The following SPOCK3 variants were observed in gnomAD, a reference collection of about 807,000 sequenced individuals.
SPOCK3 encodes SPARC (osteonectin), cwcv and kazal like domains proteoglycan 3.
Under a neutral mutation model 56.6 loss-of-function variants are expected in SPOCK3, and 30 were observed. The ratio of observed to expected loss-of-function variants is 0.53; its 90% confidence interval spans 0.40 to 0.72. The LOEUF is 0.72. Among genes scored for constraint, SPOCK3 ranks in the 30% least tolerant of loss-of-function variants. SPOCK3 has a pLI of 0.00. For synonymous variants in SPOCK3, 196 were observed against 183.3 expected, an observed-to-expected ratio of 1.07 and a Z score of -0.56; for missense variants, 527 against 530.0, an observed-to-expected ratio of 0.99 and a Z score of 0.06.
intron 4 of SPOCK3, among the ~76,000 whole-genome samples, chr4:166,949,447 T>C (rs1433856507): frequency 6.6e-6 from 1 of 152,190 alleles, no homozygotes; most frequent in East Asian, 1.9e-4. Flanking sequence ...TTTTCTGCTC[T>C]GTTTTTTCCC....
At position 166,965,240 on chromosome 4, in the gene SPOCK3, G is replaced by A. The variant is rs969487266; in HGVS notation, c.350+35109C>T. On this transcript the variant is annotated intron_variant, in intron 4 of 10. Coordinates refer to ENST00000357545, the MANE Select transcript of SPOCK3 (RefSeq NM_001040159.2). ...TAAAATGTTAAAACTGGGTAATAGT[G>A]CATTTCCATTTGCCAACACTCAGCC... is the stretch of plus-strand genomic sequence containing the variant. 3.3e-5 allele frequency among the ~76,000 whole-genome samples: 5 copies of A among 151,900 alleles called. 1 individual carries two copies. The highest frequency in any genetic ancestry group is 1.3e-4 in the Admixed American group (2 of 15,234).
At chr4:166,889,492 G>C (rs565586307) in intron 5 of SPOCK3, among the ~76,000 whole-genome samples, 3 of 152,018 alleles carry the variant, frequency 2.0e-5, no homozygotes, top group African/African-American at 7.2e-5. Context: ...AATATAATAG[G>C]TTTAAAAGTC....
rs531590299 is a variant in SPOCK3, at chr4:166,952,627, G to T, written c.351-39884C>A. Among the ~76,000 whole-genome samples the T allele has an allele frequency of 4.1e-3, 626 of 152,126 alleles. 3 individuals are homozygous for T. The highest frequency in any genetic ancestry group is 0.01 in the Middle Eastern group (3 of 294). ...CCAAAAAAGAGCCCGCATCGTCAAG[G>T]CAATCCTAAGTCAAAAGAACAAAGC... is the stretch of plus-strand genomic sequence containing the variant. On this transcript the variant is annotated intron_variant, in intron 4 of 10. Coordinates refer to ENST00000357545, the MANE Select transcript of SPOCK3 (RefSeq NM_001040159.2).
At chr4:166,938,469 TA>T (rs1031505616) in intron 4 of SPOCK3, among the ~76,000 whole-genome samples, 6 of 151,928 alleles carry the variant, frequency 3.9e-5, no homozygotes, top group African/African-American at 1.4e-4. Context: ...ATCAATCTGG[TA>T]AAAAAAATGT....
At chr4:167,057,787 C>A (rs1376716530) in intron 3 of SPOCK3, among the ~76,000 whole-genome samples, 1 of 152,154 alleles carries the variant, frequency 6.6e-6, no homozygotes, top group Non-Finnish European at 1.5e-5. Flanking sequence ...ATTCATAAAG[C>A]AAGTCCTGAG....
chr4:167,020,023 T>A (rs1751017001), intron 3 of SPOCK3, among the ~76,000 whole-genome samples: 1 of 152,100 alleles, frequency 6.6e-6, no homozygotes, highest in South Asian at 2.1e-4. Flanking sequence ...TTGGAAATAC[T>A]ATTGGATGTT....
At chr4:167,153,876 A>G (rs970550617) in intron 2 of SPOCK3, among the ~76,000 whole-genome samples, 2 of 144,412 alleles carry the variant, frequency 1.4e-5, no homozygotes, top group Non-Finnish European at 3.0e-5. Flanking sequence ...TTAAGCGGGG[A>G]AAAATGACAA....
intron 2 of SPOCK3, among the ~76,000 whole-genome samples, chr4:167,214,441 A>G (rs1297556898): frequency 3.3e-5 from 5 of 152,102 alleles, no homozygotes; most frequent in African/African-American, 1.2e-4. Flanking sequence ...TATGATTTCA[A>G]TTTTGTTTGG....
At chr4:166,815,139 T>C (rs1473269729) in intron 6 of SPOCK3, among the ~76,000 whole-genome samples, 1 of 152,118 alleles carries the variant, frequency 6.6e-6, no homozygotes, top group East Asian at 1.9e-4. Flanking sequence ...AAAGGCTTAA[T>C]TTTAAAACTT....
intron 6 of SPOCK3, among the ~76,000 whole-genome samples, chr4:166,853,638 T>C (rs968534868): frequency 6.6e-6 from 1 of 152,180 alleles, no homozygotes; most frequent in Admixed American, 6.6e-5. Flanking sequence ...ATCCCAGCAC[T>C]CAGAGAGGCA....
chr4:166,904,108 T>C (rs1421078137), intron 5 of SPOCK3, among the ~76,000 whole-genome samples: 1 of 151,778 alleles, frequency 6.6e-6, no homozygotes, highest in Non-Finnish European at 1.5e-5. Context: ...TATTATTACT[T>C]TTATATAATC....
intron 2 of SPOCK3, among the ~76,000 whole-genome samples, chr4:167,197,550 G>A (rs1580587220): frequency 7.5e-6 from 1 of 133,360 alleles, no homozygotes; most frequent in South Asian, 2.5e-4. Flanking sequence ...ATGCTCAAAA[G>A]TTAAGTTTCC....
intron 4 of SPOCK3, among the ~76,000 whole-genome samples, chr4:166,961,763 G>A (rs536117184): frequency 2.9e-4 from 44 of 152,108 alleles, no homozygotes; most frequent in Admixed American, 7.9e-4. Flanking sequence ...AGTCAAAAAC[G>A]TCAAAAATAT....
At chr4:167,231,974 A>C (rs920720157) in intron 2 of SPOCK3, among the ~76,000 whole-genome samples, 1 of 152,194 alleles carries the variant, frequency 6.6e-6, no homozygotes, top group African/African-American at 2.4e-5. Flanking sequence ...AGATATTTGC[A>C]TAAAATGTAT....
intron 2 of SPOCK3, among the ~76,000 whole-genome samples, chr4:167,100,942 A>T (rs1759584481): frequency 6.6e-6 from 1 of 152,098 alleles, no homozygotes; most frequent in South Asian, 2.1e-4. Flanking sequence ...ATCACTCTCA[A>T]ATTTCATTCA....
intron 3 of SPOCK3, among the ~76,000 whole-genome samples, chr4:167,032,907 T>C (rs546287356): frequency 8.2e-4 from 124 of 152,090 alleles, no homozygotes; most frequent in African/African-American, 2.7e-3. Flanking sequence ...ATTTTATTAT[T>C]TGGGGCCGAT....
intron 2 of SPOCK3, among the ~76,000 whole-genome samples, chr4:167,163,213 T>C (rs140203420): frequency 1.2e-3 from 176 of 148,466 alleles, no homozygotes; most frequent in African/African-American, 4.0e-3. Context: ...GTAATCCTCA[T>C]CATGTTAAAT....
chr4:167,131,696 C>T (rs1762712978), intron 2 of SPOCK3, among the ~76,000 whole-genome samples: 1 of 152,144 alleles, frequency 6.6e-6, no homozygotes, highest in Admixed American at 6.5e-5. Context: ...TAACTGTAGA[C>T]CATTCTGTTT....
At chr4:167,058,404 C>T (rs897569365) in intron 3 of SPOCK3, among the ~76,000 whole-genome samples, 14 of 152,158 alleles carry the variant, frequency 9.2e-5, no homozygotes, top group African/African-American at 2.9e-4. Context: ...TTCATAAGTG[C>T]TTCAAAGAGA....
Sources: allele counts gnomAD v4.1 joint callset (sites outside exome capture counted in the v4.1 genomes callset), GRCh38; gene constraint gnomAD v4.1.1; transcripts MANE v1.5; gene names NCBI Gene and HGNC (gene_info 2026-07-23, HGNC 2026-07-21).